Variants in DENND3 observed in about 807,000 individuals in gnomAD.
The protein encoded by DENND3 is DENN domain containing 3, also known as DENN domain-containing protein 3.
DENND3 carries 88 observed loss-of-function variants against 135.1 expected under a neutral mutation model. The ratio of observed to expected loss-of-function variants is 0.65; its 90% confidence interval spans 0.55 to 0.78. The LOEUF is 0.78. Among genes scored for constraint, DENND3 ranks in the 30% least tolerant of loss-of-function variants. The pLI is 0.00. For synonymous variants in DENND3, 693 were observed against 712.3 expected (o/e 0.97, Z 0.43); for missense variants, 1,392 against 1,688.4 (o/e 0.82, Z 3.08).
rs140322939 is a variant in DENND3 at position 141,132,356 on chromosome 8, T to G, written c.102+3547T>G. Among the ~76,000 whole-genome samples, 113 of 152,232 alleles carry G rather than the reference T, an allele frequency of 7.4e-4. 1 individual carries two copies. The East Asian group carries it at 0.012, about 16-fold the overall frequency. ...ATTAGCTCCTTTATTATTTCTATAT[T>G]TATTATTTTTTTTTGTGGGGGATGG... is the stretch of plus-strand genomic sequence containing the variant. On this transcript the variant is annotated intron_variant, in intron 1 of 22. Transcript: ENST00000519811.
rs202020751 is a variant in DENND3, at chr8:141,150,957, C to T, written c.855+4C>T. 23 of 1,541,234 alleles carry T rather than the reference C, an allele frequency of 1.5e-5. No individual in the cohort carries two copies. Among genetic ancestry groups the T allele is most frequent in the African/African-American group, 1.1e-4 (8 of 72,180 alleles). On this transcript the variant is annotated splice_donor_region_variant and intron_variant, in intron 6 of 22. Transcript: ENST00000519811. ...CAGGCCTGAGAAGGTGCTACAGGTA[C>T]GCGGCCCCGCCCCGGCGAGCGCGTC...
rs1358108204 is a variant in DENND3 at position 141,180,670 on chromosome 8, A to AG, written c.2837-76dup. 6 of 1,303,770 alleles carry AG rather than the reference A, an allele frequency of 4.6e-6. No individual in the cohort carries two copies. The East Asian group carries it at 1.5e-4, about 32-fold the overall frequency. The allele number at this position is 1,303,770 out of a possible 1,614,324, so 80.8% of individuals were successfully genotyped here. On this transcript the variant is annotated intron_variant, in intron 16 of 22. Coordinates refer to ENST00000519811, the MANE Select transcript of DENND3 (RefSeq NM_001352890.3). ...TGCAAGCTGATATTCTGCAGAAATC[A>AG]GAGTGCGTGAGGCCGTTGCATCGCG...
chr8:141,155,105 T>C (rs1380158630), intron 7 of DENND3, among the ~76,000 whole-genome samples: 1 of 152,062 alleles, frequency 6.6e-6, no homozygotes, highest in East Asian at 1.9e-4. Flanking sequence ...AGCAGATTAG[T>C]GGGCTTGTGG....
chr8:141,178,434 T>C (rs938969967), intron 16 of DENND3, among the ~76,000 whole-genome samples: 3 of 152,240 alleles, frequency 2.0e-5, no homozygotes, highest in African/African-American at 7.2e-5. Flanking sequence ...CGTTTTAATG[T>C]CTGGATAGCA....
Position 141,151,719 on chromosome 8 carries a change from C to T in DENND3, c.956C>T (p.Pro319Leu), listed in dbSNP as rs758763055. The T allele has an allele frequency of 1.9e-5, 31 of 1,614,056 alleles. 1 individual carries two copies. The highest frequency in any genetic ancestry group is 1.3e-4 in the South Asian group (12 of 91,082). ...VTECFMAYLY[P>L]LQWQHPFVPI... ...GAGTGCTTCATGGCCTACCTGTATC[C>T]GCTGCAGTGGCAGCACCCCTTCGTG... Residue 319 changes from proline to leucine, a missense_variant, in exon 7 of 23, where the codon CCG becomes CTG. Physicochemically the swap from Pro to Leu is moderately conservative, Grantham distance 98. Coordinates refer to ENST00000519811, the MANE Select transcript of DENND3 (RefSeq NM_001352890.3).
chr8:141,193,908 A>C, intron 22 of DENND3, 125 bp from the exon 23 acceptor site: 1 of 1,099,086 alleles, frequency 9.1e-7, no homozygotes, highest in South Asian at 1.5e-5. Context: ...CAGGCGGCAG[A>C]GGCCCTGTCC....
intron 1 of DENND3, among the ~76,000 whole-genome samples, chr8:141,136,118 T>C (rs1816758381): frequency 6.6e-6 from 1 of 152,220 alleles, no homozygotes. Context: ...GTCTCTGTTA[T>C]TCCCTGTACT....
intron 18 of DENND3, among the ~76,000 whole-genome samples, chr8:141,188,048 C>T (rs1031656165): frequency 2.0e-5 from 3 of 147,046 alleles, no homozygotes; most frequent in Admixed American, 7.9e-5. Flanking sequence ...ATCAGCCAGG[C>T]GTGGTGGCAT....
At chr8:141,145,882 T>C (rs1288687406) in intron 5 of DENND3, among the ~76,000 whole-genome samples, 1 of 138,704 alleles carries the variant, frequency 7.2e-6, no homozygotes, top group Non-Finnish European at 1.5e-5. Context: ...GGAGTCTTGC[T>C]CTGTTACCCA....
chr8:141,175,330 G>A lies in DENND3; in HGVS notation c.2406G>A (p.Val802=). The A allele has an allele frequency of 2.5e-6, 4 of 1,614,250 alleles. No homozygotes were observed. The highest frequency in any genetic ancestry group is 2.5e-6 in the Non-Finnish European group (3 of 1,180,052). ...VMEHLDKNEC[V]CKLSSSVKTN... ...AACACCTGGATAAAAACGAGTGTGT[G>A]TGTAAGTTGTCCAGCTCCGTCAAGA... is the stretch of plus-strand genomic sequence containing the variant. Residue 802 remains valine, a synonymous_variant, in exon 14 of 23, where the codon GTG becomes GTA. Coordinates refer to ENST00000519811, the MANE Select transcript of DENND3 (RefSeq NM_001352890.3). The surrounding 1 kb of genome is among the most constrained non-coding windows in gnomAD (Gnocchi z 5.4).
In DENND3 at chr8:141,185,398, G is replaced by A; in HGVS notation, c.3084+120G>A. 3.8e-6 allele frequency: 5 copies of A among 1,332,496 alleles called. No homozygotes were observed. In the Middle Eastern group the frequency reaches 5.8e-4, roughly 153 times the overall value. The allele number at this position is 1,332,496 out of a possible 1,614,324, so 82.5% of individuals were successfully genotyped here. On this transcript the variant is annotated intron_variant, in intron 18 of 22. Coordinates refer to ENST00000519811, the MANE Select transcript of DENND3 (RefSeq NM_001352890.3). ...TATTCCACAGCCTCACTCGGTTTCT[G>A]TAAACAGGGGGTCTTAACTTTCACC...
chr8:141,175,400 T>C lies in DENND3; in HGVS notation c.2476T>C (p.Phe826Leu). 1 of 1,614,154 alleles carries C rather than the reference T, an allele frequency of 6.2e-7. No homozygotes were observed. The highest frequency in any genetic ancestry group is 8.5e-7 in the Non-Finnish European group (1 of 1,180,022). The change falls in exon 14 of 23, where the codon TTC becomes CTC. Residue 826 changes from phenylalanine (F) to leucine (L), a missense_variant. Physicochemically the swap from Phe to Leu is conservative, Grantham distance 22. Transcript: ENST00000519811. The surrounding 1 kb of genome is among the most constrained non-coding windows in gnomAD (Gnocchi z 5.4). ...GKIAMTQKRL[F>L]LLTEGRPGYL... ...GATCGCCATGACCCAGAAGCGCCTG[T>C]TCCTCCTAACCGAAGGAAGGCCAGG...
Position 141,136,776 on chromosome 8 carries a change from C to T in DENND3, c.370C>T (p.Gln124Ter). The change falls in exon 2 of 23, where the codon CAG becomes TAG. Residue 124 changes from glutamine to a stop codon, truncating the protein, a stop_gained. Coordinates refer to ENST00000519811, the MANE Select transcript of DENND3 (RefSeq NM_001352890.3). LOFTEE classifies it high-confidence loss of function. The stretch of plus-strand genomic sequence containing the variant: ...CGGCGTGGACCTCCTCACCCTGCCG[C>T]AGCTGTGCTTCCCAGGTATGTCTAG... Reference protein sequence around the residue: ...PGGVDLLTLPQLCFPGGVCVA... With the variant: ...PGGVDLLTLP The T allele has an allele frequency of 1.9e-6, 3 of 1,579,198 alleles. No individual in the cohort carries two copies. Among genetic ancestry groups the T allele is most frequent in the Non-Finnish European group, 2.6e-6 (3 of 1,163,642 alleles).
At chr8:141,159,401 G>A (rs756311084) in intron 8 of DENND3, among the ~76,000 whole-genome samples, 6 of 152,184 alleles carry the variant, frequency 3.9e-5, no homozygotes, top group Non-Finnish European at 8.8e-5. Context: ...GGTCCATCAA[G>A]TCCCCCGTCT....
intron 20 of DENND3, chr8:141,191,336 C>T (rs1448208103): frequency 2.6e-5 from 4 of 152,252 alleles, no homozygotes; most frequent in Non-Finnish European, 4.4e-5. Context: ...TAGTATTCAT[C>T]GCTGACGTTC....
At position 141,189,253 on chromosome 8, in the gene DENND3, G is replaced by A. The variant is rs961319006; in HGVS notation, c.3245+107G>A. ...TGTGCCCACAGGGGCCAGGCGGGGC[G>A]TACAGAGTGAAGTGGATCTAGAACG... is the stretch of plus-strand genomic sequence containing the variant. On this transcript the variant is annotated intron_variant, in intron 19 of 22. Coordinates refer to ENST00000519811, the MANE Select transcript of DENND3 (RefSeq NM_001352890.3). 91 of 1,453,038 alleles carry A rather than the reference G, an allele frequency of 6.3e-5. 1 individual carries two copies. The highest frequency in any genetic ancestry group is 5.7e-4 in the South Asian group (47 of 82,932). The allele number at this position is 1,453,038 out of a possible 1,614,324, so 90.0% of individuals were successfully genotyped here. A position where few individuals can be genotyped will look rare whatever the true frequency, so the allele number is the denominator to read the frequency against.
At chr8:141,158,340 C>A in intron 8 of DENND3, 1 of 1,238,032 alleles carries the variant, frequency 8.1e-7, no homozygotes, top group South Asian at 1.4e-5. Flanking sequence ...TGTAATAGAA[C>A]TGAGCTTTGT....
In DENND3 at chr8:141,167,965, T is replaced by C; in HGVS notation, c.1754-39T>C. On this transcript the variant is annotated intron_variant, in intron 12 of 22. Transcript: ENST00000519811. The surrounding 1 kb of genome is among the most constrained non-coding windows in gnomAD (Gnocchi z 4.1). ...CAGGGACACGTGTTCATTTGGAAGGTCTGTGCTAATGGTCTCCTTTTCCCC... is the reference window on the plus strand; with the variant it reads ...CAGGGACACGTGTTCATTTGGAAGGCCTGTGCTAATGGTCTCCTTTTCCCC... The C allele has an allele frequency of 6.4e-7, 1 of 1,570,780 alleles. No homozygotes were observed. Among genetic ancestry groups the C allele is most frequent in the Non-Finnish European group, 8.6e-7 (1 of 1,156,188 alleles).
At chr8:141,156,883 C>G (rs1167763924) in intron 8 of DENND3, among the ~76,000 whole-genome samples, 4 of 147,164 alleles carry the variant, frequency 2.7e-5, no homozygotes, top group African/African-American at 1.0e-4. Context: ...CCTCTGCCTT[C>G]TGGGTTCAAG....
Sources: allele counts gnomAD v4.1 joint callset (sites outside exome capture counted in the v4.1 genomes callset), GRCh38; gene constraint gnomAD v4.1.1; non-coding constraint Gnocchi (gnomAD v3.1); transcripts MANE v1.5; gene names NCBI Gene and HGNC (gene_info 2026-07-23, HGNC 2026-07-21).